The following RRM2 variants were observed in gnomAD, a reference collection of about 807,000 sequenced individuals.
RRM2 encodes the protein ribonucleotide reductase regulatory subunit M2, also known as ribonucleoside-diphosphate reductase subunit M2.
In RRM2, 6 loss-of-function variants were observed where a neutral mutation model predicts 45.9. The observed-to-expected ratio is 0.13, with a 90% confidence interval of 0.07 to 0.26. RRM2 has a LOEUF of 0.26. RRM2 is among the 10% of genes least tolerant of loss of function. RRM2 has a pLI of 1.00. For missense variants in RRM2, 343 were observed against 489.5 expected (o/e 0.70, Z 2.82); for synonymous variants, 177 against 173.0 (o/e 1.02, Z -0.18).
chr2:10,173,193 G>A (rs1479883492), intron 3 of RRM2, among the ~76,000 whole-genome samples: 2 of 152,136 alleles, frequency 1.3e-5, no homozygotes, highest in African/African-American at 4.8e-5. Context: ...TGAGAATGAG[G>A]TGTGCGAAGC....
rs111981313 is a variant in RRM2 at position 10,195,390 on chromosome 2, T to A, written n.483-14921T>A. Reference sequence around the variant, plus strand: ...GGACACAGGGCCTCTGAGCGGACAGTGCTGGCGGAGCCCTGGGGAGCACCG... The same window carrying A: ...GGACACAGGGCCTCTGAGCGGACAGAGCTGGCGGAGCCCTGGGGAGCACCG... On this transcript the variant is annotated intron_variant and non_coding_transcript_variant, in intron 3 of 3. Transcript: ENST00000381786. The surrounding 1 kb of genome is among the most constrained non-coding windows in gnomAD (Gnocchi z 4.9). 0.027 allele frequency among the ~76,000 whole-genome samples: 4,066 copies of A among 151,748 alleles called. 191 individuals carry two copies. Among genetic ancestry groups the A allele is most frequent in the African/African-American group, 0.094 (3,878 of 41,342 alleles).
chr2:10,133,129 C>T (rs968745353), downstream of RRM2, among the ~76,000 whole-genome samples: 1 of 152,168 alleles, frequency 6.6e-6, no homozygotes, highest in African/African-American at 2.4e-5. Context: ...GACGTCAGTC[C>T]TGGGTGTGAA....
At chr2:10,190,263 ATGG>A (rs1388872416) in intron 3 of RRM2, among the ~76,000 whole-genome samples, 15 of 133,148 alleles carry the variant, frequency 1.1e-4, no homozygotes, top group South Asian at 2.7e-4. Flanking sequence ...GGTGGTGGTG[ATGG>A]TGGTGGTGGT....
intron 3 of RRM2, among the ~76,000 whole-genome samples, chr2:10,207,723 G>A (rs147076188): frequency 1.3e-5 from 2 of 152,158 alleles, no homozygotes; most frequent in East Asian, 3.9e-4. Flanking sequence ...TGACCTCCCT[G>A]ACTATATCAG....
intron 3 of RRM2, among the ~76,000 whole-genome samples, chr2:10,180,753 T>TTTTA (rs146475647): frequency 6.6e-5 from 10 of 151,536 alleles, no homozygotes; most frequent in South Asian, 4.2e-4. Flanking sequence ...AACACTTTAT[T>TTTTA]TTTATTTATT....
Position 10,127,421 on chromosome 2 carries a change from A to G in RRM2, c.798+201A>G. ...TTTACTTGCATTCTCAATATATTGT[A>G]ATACATTTGTACATATGTATTCCCC... On this transcript the variant is annotated intron_variant, in intron 7 of 9. Coordinates refer to ENST00000304567, the MANE Select transcript of RRM2 (RefSeq NM_001034.4). This position sits in a 1 kb window ranked among gnomAD's most constrained non-coding sequence, Gnocchi z 4.1. 3 of 594,210 alleles carry G rather than the reference A, an allele frequency of 5.0e-6. No individual in the cohort carries two copies. The highest frequency in any genetic ancestry group is 8.9e-6 in the Non-Finnish European group (3 of 338,312). 36.8% of individuals were successfully genotyped at this position (594,210 alleles called of 1,614,324 possible). A position where few individuals can be genotyped will look rare whatever the true frequency, so the allele number is the denominator to read the frequency against.
At chr2:10,152,167 C>G (rs940898744) in intron 3 of RRM2, among the ~76,000 whole-genome samples, 4 of 152,082 alleles carry the variant, frequency 2.6e-5, no homozygotes, top group Admixed American at 2.0e-4. Context: ...CCAGGATGGT[C>G]TCGATCTCCT....
upstream of RRM2, among the ~76,000 whole-genome samples, chr2:10,138,252 C>A (rs959033124): frequency 6.6e-6 from 1 of 151,500 alleles, no homozygotes; most frequent in Non-Finnish European, 1.5e-5. Flanking sequence ...ACCACAATCT[C>A]TGCCTCCCGG....
At chr2:10,133,703 ATTT>A (rs33987822), downstream of RRM2, among the ~76,000 whole-genome samples, 2,639 of 133,180 alleles carry the variant, frequency 0.02, 83 homozygotes, top group African/African-American at 0.068. Flanking sequence ...TGACATCAGG[ATTT>A]TTTTTTTTTT....
intron 3 of RRM2, among the ~76,000 whole-genome samples, chr2:10,201,161 A>AG (rs996865126): frequency 3.3e-5 from 5 of 149,976 alleles, no homozygotes; most frequent in Non-Finnish European, 5.9e-5. Flanking sequence ...AAAAAAAAAA[A>AG]AGAAAGAAAG....
intron 4 of RRM2, 38 bp downstream of exon 4, chr2:10,123,890 A>G (rs1469885174): frequency 8.5e-7 from 1 of 1,177,864 alleles, no homozygotes; most frequent in African/African-American, 1.5e-5. Flanking sequence ...TTTGACGTTG[A>G]CGATCTGAGG....
chr2:10,208,402 G>C (rs1244844351), intron 3 of RRM2, among the ~76,000 whole-genome samples: 3 of 152,162 alleles, frequency 2.0e-5, no homozygotes, highest in Non-Finnish European at 4.4e-5. Context: ...CAGGAGGCAG[G>C]AATAAACAAT....
At chr2:10,126,666 T>A in intron 5 of RRM2, 1 of 574,810 alleles carries the variant, frequency 1.7e-6, no homozygotes, top group Non-Finnish European at 3.1e-6. Context: ...CTTGTATTAA[T>A]GTAAATCAAG....
chr2:10,165,215 T>C (rs1663653371), intron 3 of RRM2, among the ~76,000 whole-genome samples: 1 of 152,312 alleles, frequency 6.6e-6, no homozygotes, highest in African/African-American at 2.4e-5. Context: ...CCTCCCAAAG[T>C]GTTGGGATTC....
At chr2:10,137,330 T>G (rs1663006759), upstream of RRM2, among the ~76,000 whole-genome samples, 2 of 152,188 alleles carry the variant, frequency 1.3e-5, no homozygotes, top group Admixed American at 1.3e-4. Flanking sequence ...CCCATGCTGG[T>G]CCGCCCAAGG....
Sources: allele counts gnomAD v4.1 joint callset (sites outside exome capture counted in the v4.1 genomes callset), GRCh38; gene constraint gnomAD v4.1.1; non-coding constraint Gnocchi (gnomAD v3.1); transcripts MANE v1.5; gene names NCBI Gene and HGNC (gene_info 2026-07-23, HGNC 2026-07-21).